RASGEF1A: variants seen among roughly 807,000 people sequenced by gnomAD.
RASGEF1A encodes ras-GEF domain-containing family member 1A.
In RASGEF1A, 18 loss-of-function variants were observed where a neutral mutation model predicts 56.4. The ratio of observed to expected loss-of-function variants is 0.32; its 90% CI spans 0.22 to 0.47. RASGEF1A has a LOEUF of 0.47. RASGEF1A is among the 20% of genes least tolerant of loss of function. RASGEF1A has a pLI of 1.00. For synonymous variants in RASGEF1A, 245 were observed against 242.6 expected (o/e 1.01, Z -0.09); for missense variants, 422 against 627.1 (o/e 0.67, Z 3.49).
chr10:43,203,613 T>C (rs1839946687), intron 2 of RASGEF1A, 193 bp from the exon 3 acceptor site: 10 of 1,189,650 alleles, frequency 8.4e-6, no homozygotes, highest in Non-Finnish European at 1.1e-5. Context: ...CCTGCCTACC[T>C]AGGAGGCACG....
At chr10:43,262,582 A>T (rs1280587727) in intron 1 of RASGEF1A, among the ~76,000 whole-genome samples, 1 of 152,230 alleles carries the variant, frequency 6.6e-6, no homozygotes, top group Non-Finnish European at 1.5e-5. Flanking sequence ...ATGTTCGCTG[A>T]ATCTGCCAGC....
rs1312964978 is a variant in RASGEF1A, at chr10:43,266,854, G to C, written c.-16C>G. 2 of 146,008 alleles carry C rather than the reference G, an allele frequency of 1.4e-5. No individual in the cohort carries two copies. The highest frequency in any genetic ancestry group is 1.4e-4 in the Admixed American group (2 of 14,708). The allele number at this position is 146,008 out of a possible 1,614,324, so 9.0% of individuals were successfully genotyped here. On this transcript the variant is annotated 5_prime_UTR_variant, in exon 1 of 13. Coordinates refer to ENST00000395810, the MANE Select transcript of RASGEF1A (RefSeq NM_145313.4). ...CGCGGCCGCTGCCTACCTCGGTCCG[G>C]GCCAGCGTCGCTCCCGCGCCGCCCT...
chr10:43,235,667 G>A (rs1407960384), intron 1 of RASGEF1A, among the ~76,000 whole-genome samples: 2 of 152,176 alleles, frequency 1.3e-5, no homozygotes, highest in African/African-American at 2.4e-5. Flanking sequence ...GTTAAAACTC[G>A]GCTTGGGATG....
In RASGEF1A at chr10:43,195,378, C is replaced by T. The variant is rs1339792482; in HGVS notation, c.*866G>A. ...AGAGGGCTGTTGGCTGCCCTCCCCT[C>T]TGTAGATGATAGGTTTCAAGACTAG... On this transcript the variant is annotated 3_prime_UTR_variant, in exon 13 of 13. Coordinates refer to ENST00000395810, the MANE Select transcript of RASGEF1A (RefSeq NM_145313.4). The surrounding 1 kb of genome is among the most constrained non-coding windows in gnomAD (Gnocchi z 4.2). 6.6e-6 allele frequency: 1 copy of T among 152,200 alleles called. No homozygotes were observed. The highest frequency in any genetic ancestry group is 1.5e-5 in the Non-Finnish European group (1 of 68,040). 9.4% of individuals were successfully genotyped at this position (152,200 alleles called of 1,614,324 possible). A position where few individuals can be genotyped will look rare whatever the true frequency, so the allele number is the denominator to read the frequency against.
chr10:43,244,864 CAG>C (rs1449557271), intron 1 of RASGEF1A, among the ~76,000 whole-genome samples: 2 of 151,764 alleles, frequency 1.3e-5, no homozygotes, highest in African/African-American at 4.8e-5. Flanking sequence ...CATTAAAAAA[CAG>C]AAAGTTCTCA....
At chr10:43,202,560 C>T (rs947036274) in intron 3 of RASGEF1A, 71 of 458,466 alleles carry the variant, frequency 1.5e-4, no homozygotes, top group Non-Finnish European at 2.6e-4. Flanking sequence ...TCCCCCAGAA[C>T]GCACCACAGG....
At chr10:43,211,612 C>A (rs1429260883) in intron 1 of RASGEF1A, among the ~76,000 whole-genome samples, 1 of 152,188 alleles carries the variant, frequency 6.6e-6, no homozygotes, top group Admixed American at 6.5e-5. Flanking sequence ...ATGCTGCTGT[C>A]CCCCAGAGGA....
chr10:43,196,915 C>G lies in RASGEF1A; in HGVS notation c.1348+61G>C, dbSNP rs995871576. The G allele has an allele frequency of 4.4e-6, 7 of 1,592,388 alleles. No homozygotes were observed. Among genetic ancestry groups the G allele is most frequent in the Non-Finnish European group, 6.0e-6 (7 of 1,170,250 alleles). ...CTCCCAGGGCAACCCCAAAGAGCAC[C>G]GGGCCTGGACAAGGAGTCAGGTGGG... On this transcript the variant is annotated intron_variant, in intron 11 of 12. Transcript: ENST00000395810. This position sits in a 1 kb window ranked among gnomAD's most constrained non-coding sequence, Gnocchi z 4.6.
At chr10:43,207,803 TC>T in intron 1 of RASGEF1A, 1 of 700,198 alleles carries the variant, frequency 1.4e-6, no homozygotes, top group Non-Finnish European at 1.8e-6. Flanking sequence ...CGCTCTCCAC[TC>T]CAGCCCAGGA....
At chr10:43,235,675 A>G (rs1019165694) in intron 1 of RASGEF1A, among the ~76,000 whole-genome samples, 16 of 152,176 alleles carry the variant, frequency 1.1e-4, no homozygotes, top group Non-Finnish European at 2.1e-4. Flanking sequence ...TCGGCTTGGG[A>G]TGCAGGGCCT....
At chr10:43,230,090 TG>T (rs1475814995) in intron 1 of RASGEF1A, among the ~76,000 whole-genome samples, 1 of 151,318 alleles carries the variant, frequency 6.6e-6, no homozygotes, top group Admixed American at 6.6e-5. Context: ...GGGCGCAGCG[TG>T]GGTCGGGGCT....
At chr10:43,239,402 C>T (rs536017621) in intron 1 of RASGEF1A, among the ~76,000 whole-genome samples, 1 of 152,152 alleles carries the variant, frequency 6.6e-6, no homozygotes, top group African/African-American at 2.4e-5. Flanking sequence ...GGAGTAAGGA[C>T]CTCCAAAAAC....
chr10:43,220,939 A>G (rs1588938694), intron 1 of RASGEF1A, among the ~76,000 whole-genome samples: 1 of 152,190 alleles, frequency 6.6e-6, no homozygotes, highest in East Asian at 1.9e-4. Flanking sequence ...CAAGAAAGTG[A>G]TGTCAAAAGG....
At chr10:43,236,388 CAT>C (rs1215481844) in intron 1 of RASGEF1A, among the ~76,000 whole-genome samples, 4 of 152,234 alleles carry the variant, frequency 2.6e-5, no homozygotes, top group African/African-American at 7.2e-5. Context: ...TGCGTATGCA[CAT>C]GTGTGCTTTC....
chr10:43,263,529 TAGAGTCCCAGCCCAGGCCTCTC>T (rs1283033646), intron 1 of RASGEF1A, among the ~76,000 whole-genome samples: 1 of 152,288 alleles, frequency 6.6e-6, no homozygotes, highest in South Asian at 2.1e-4. Context: ...CTGTTCTGTC[TAGAGTCCCAGCCCAGGCCTCTC>T]TTCTTCAAGC....
chr10:43,241,759 A>T (rs1041698258), intron 1 of RASGEF1A, among the ~76,000 whole-genome samples: 2 of 152,230 alleles, frequency 1.3e-5, no homozygotes, highest in Non-Finnish European at 2.9e-5. Flanking sequence ...GTCAGAGATT[A>T]TCAGAGTTAA....
chr10:43,199,251 G>A (rs1270869311), intron 7 of RASGEF1A, 57 bp from the exon 8 acceptor site: 1 of 1,382,202 alleles, frequency 7.2e-7, no homozygotes, highest in Non-Finnish European at 1.0e-6. Context: ...AGGAGCTGGG[G>A]CCGCCGGGCA....
intron 7 of RASGEF1A, 39 bp from the exon 8 acceptor site, chr10:43,199,233 G>A (rs2133178973): frequency 1.3e-6 from 2 of 1,512,284 alleles, no homozygotes; most frequent in South Asian, 2.3e-5. Flanking sequence ...GCGCTGCCGG[G>A]GGACAGCAGG....
chr10:43,261,780 G>A (rs1836532790), intron 1 of RASGEF1A, among the ~76,000 whole-genome samples: 3 of 152,322 alleles, frequency 2.0e-5, no homozygotes, highest in Admixed American at 1.3e-4. Context: ...GCTCGGGGCT[G>A]CACATTACCT....
Sources: gnomAD v4.1 joint callset for allele counts (sites outside exome capture counted in the v4.1 genomes callset) on GRCh38, gnomAD v4.1.1 for gene constraint, Gnocchi (gnomAD v3.1) non-coding constraint, MANE v1.5 for transcripts, NCBI Gene and HGNC (gene_info 2026-07-23, HGNC 2026-07-21) for gene names.